Variants in SLC9C1 observed in about 807,000 individuals in gnomAD.
The protein encoded by SLC9C1 is sodium/hydrogen exchanger 10.
In SLC9C1, 97 loss-of-function variants were observed where a neutral mutation model predicts 140.9. The observed-to-expected ratio is 0.69, with a 90% CI of 0.58 to 0.82. The LOEUF (loss-of-function observed/expected upper bound fraction) is 0.82, where lower values mean the gene tolerates loss of function less well. Ranked by LOEUF, SLC9C1 falls within the 40% of genes least tolerant of loss-of-function variation. The pLI, the probability that SLC9C1 is intolerant of heterozygous loss-of-function variation, is 0.00. For missense variants in SLC9C1, 1,340 were observed against 1,389.3 expected, an observed-to-expected ratio of 0.96 and a Z score of 0.56; for synonymous variants, 440 against 442.6, an observed-to-expected ratio of 0.99 and a Z score of 0.07.
At chr3:112,161,374 G>C (rs2075293297) in intron 26 of SLC9C1, among the ~76,000 whole-genome samples, 1 of 152,106 alleles carries the variant, frequency 6.6e-6, no homozygotes, top group South Asian at 2.1e-4. Context: ...GTAATGCCTA[G>C]GTTTTCTTCT....
intron 13 of SLC9C1, among the ~76,000 whole-genome samples, chr3:112,228,201 GCA>G (rs1384608025): frequency 6.6e-6 from 1 of 151,892 alleles, no homozygotes; most frequent in Non-Finnish European, 1.5e-5. Flanking sequence ...ATAAAAACAG[GCA>G]CACAGACCAA....
intron 5 of SLC9C1, among the ~76,000 whole-genome samples, chr3:112,277,003 T>A (rs2080232422): frequency 6.6e-6 from 1 of 152,046 alleles, no homozygotes; most frequent in African/African-American, 2.4e-5. Flanking sequence ...AGAGTATGCG[T>A]GTGTGTGTGC....
chr3:112,190,431 G>A (rs1253446275), intron 20 of SLC9C1, among the ~76,000 whole-genome samples: 2 of 152,162 alleles, frequency 1.3e-5, no homozygotes, highest in Non-Finnish European at 1.5e-5. Flanking sequence ...TTTATTGAGA[G>A]TTTTTAGCAT....
At chr3:112,254,827 T>C (rs2079559077) in intron 10 of SLC9C1, among the ~76,000 whole-genome samples, 1 of 152,140 alleles carries the variant, frequency 6.6e-6, no homozygotes, top group African/African-American at 2.4e-5. Flanking sequence ...GAGCCAATGG[T>C]GTGCTGTCTT....
rs1209615855 is a variant in SLC9C1, at chr3:112,167,325, G to T, written c.3260C>A (p.Thr1087Lys). The T allele has an allele frequency of 1.9e-6, 3 of 1,601,396 alleles. No homozygotes were observed. The highest frequency in any genetic ancestry group is 1.7e-5 in the Admixed American group (1 of 57,668). ...CHQIQSIEDF[T>K]KVVIIQTPIN... ...CGGAGTTTGAATAATCACTACTTTT[G>T]TGAAATCTTCAATACTTTGTATCTG... is the stretch of plus-strand genomic sequence containing the variant. Residue 1087 changes from threonine (T) to lysine (K), a missense_variant, in exon 26 of 29, where the codon ACA becomes AAA. Transcript: ENST00000305815.
At position 112,262,373 on chromosome 3, in the gene SLC9C1, TA is replaced by T. The variant is rs1325287413; in HGVS notation, c.1197+550del. Among the ~76,000 whole-genome samples the T allele has an allele frequency of 1.2e-3, 176 of 146,398 alleles. 1 individual carries two copies. The highest frequency in any genetic ancestry group is 3.1e-3 in the African/African-American group (123 of 40,252). Reference sequence around the variant, plus strand: ...CTCTTTTTACATTTGGAATTTTTGTTAAAAAAAAAAACCCAGATGATAAAAG... The same window carrying T: ...CTCTTTTTACATTTGGAATTTTTGTTAAAAAAAAAACCCAGATGATAAAAG... On this transcript the variant is annotated intron_variant, in intron 10 of 28. Coordinates refer to ENST00000305815, the MANE Select transcript of SLC9C1 (RefSeq NM_183061.3).
At position 112,240,038 on chromosome 3, in the gene SLC9C1, A is replaced by G. The variant is rs772109459; in HGVS notation, c.1280-32T>C. 5.8e-6 allele frequency: 9 copies of G among 1,562,862 alleles called. No homozygotes were observed. In the Admixed American group the frequency reaches 1.7e-4, roughly 30 times the overall value. On this transcript the variant is annotated intron_variant, in intron 11 of 28. Transcript: ENST00000305815. Reference sequence around the variant, plus strand: ...TACAAACACACATTTGATAAATAGTAGAAACACCACAATTTTGATATGGGT... The same window carrying G: ...TACAAACACACATTTGATAAATAGTGGAAACACCACAATTTTGATATGGGT...
intron 10 of SLC9C1, among the ~76,000 whole-genome samples, chr3:112,250,721 A>G (rs1042172807): frequency 6.6e-6 from 1 of 152,190 alleles, no homozygotes; most frequent in African/African-American, 2.4e-5. Flanking sequence ...CAGACTGGTT[A>G]TTACTAAAAA....
chr3:112,262,976 A>C lies in SLC9C1; in HGVS notation c.1145T>G (p.Leu382Arg). 6.2e-7 allele frequency: 1 copy of C among 1,601,090 alleles called. No homozygotes were observed. The highest frequency in any genetic ancestry group is 8.5e-7 in the Non-Finnish European group (1 of 1,175,368). ...ATAAAGATCAGAGTAGGCAAGCAGA[A>C]GGGCCATGTTTATATTAGGCATCCC... ...MKGMPNINMA[L>R]LLAYSDLYFG... Residue 382 changes from leucine to arginine, a missense_variant, in exon 10 of 29, where the codon CTT becomes CGT. By Grantham distance (102) the Leu-to-Arg change is moderately radical. Coordinates refer to ENST00000305815, the MANE Select transcript of SLC9C1 (RefSeq NM_183061.3).
chr3:112,156,825 C>T (rs1275227520), intron 26 of SLC9C1, among the ~76,000 whole-genome samples: 2 of 151,988 alleles, frequency 1.3e-5, no homozygotes, highest in Non-Finnish European at 2.9e-5. Flanking sequence ...TGCATGTCTT[C>T]TTTTGATAAA....
chr3:112,275,603 A>C (rs994258296), intron 5 of SLC9C1, among the ~76,000 whole-genome samples: 1 of 152,144 alleles, frequency 6.6e-6, no homozygotes, highest in African/African-American at 2.4e-5. Context: ...CTGCCATTAA[A>C]TGTGCATGTA....
chr3:112,144,654 A>G (rs914353541), intron 28 of SLC9C1, among the ~76,000 whole-genome samples: 1 of 152,208 alleles, frequency 6.6e-6, no homozygotes, highest in Non-Finnish European at 1.5e-5. Context: ...CCTTATAGAA[A>G]TCTTTTACCT....
At chr3:112,237,120 A>G (rs183587502) in intron 12 of SLC9C1, among the ~76,000 whole-genome samples, 2 of 152,248 alleles carry the variant, frequency 1.3e-5, no homozygotes, top group Non-Finnish European at 2.9e-5. Context: ...GTAGGTCTCT[A>G]AGGAGTTGCT....
Position 112,243,978 on chromosome 3 carries a change from T to C in SLC9C1, c.1279+17A>G, listed in dbSNP as rs1357817528. The C allele has an allele frequency of 5.9e-6, 9 of 1,517,820 alleles. No individual in the cohort carries two copies. The highest frequency in any genetic ancestry group is 8.1e-6 in the Non-Finnish European group (9 of 1,114,266). The allele number at this position is 1,517,820 out of a possible 1,614,324, so 94.0% of individuals were successfully genotyped here. A position where few individuals can be genotyped will look rare whatever the true frequency, so the allele number is the denominator to read the frequency against. On this transcript the variant is annotated intron_variant, in intron 11 of 28. Coordinates refer to ENST00000305815, the MANE Select transcript of SLC9C1 (RefSeq NM_183061.3). Reference sequence around the variant, plus strand: ...AATGTTTTTCTCTCCACAGGAATAGTAACTGTTAGGGCTTACCTAGTATAG... The same window carrying C: ...AATGTTTTTCTCTCCACAGGAATAGCAACTGTTAGGGCTTACCTAGTATAG...
intron 2 of SLC9C1, among the ~76,000 whole-genome samples, chr3:112,284,937 T>C (rs1377907845): frequency 6.6e-6 from 1 of 151,142 alleles, no homozygotes; most frequent in East Asian, 1.9e-4. Context: ...TTATTAAGTA[T>C]ACTAAATAAA....
Position 112,270,083 on chromosome 3 carries a change from A to G in SLC9C1, c.614-6T>C. On this transcript the variant is annotated splice_polypyrimidine_tract_variant and splice_region_variant and intron_variant, in intron 6 of 28. Transcript: ENST00000305815. ...TCCACCCACGATCTCTTCAGCTACA[A>G]GAAAGGGGCGTAAATAAGAAATAGT... The G allele has an allele frequency of 6.5e-7, 1 of 1,530,414 alleles. No homozygotes were observed. Among genetic ancestry groups the G allele is most frequent in the Non-Finnish European group, 8.8e-7 (1 of 1,141,464 alleles). The allele number at this position is 1,530,414 out of a possible 1,614,324, so 94.8% of individuals were successfully genotyped here.
intron 26 of SLC9C1, among the ~76,000 whole-genome samples, chr3:112,166,055 A>G (rs2107907863): frequency 6.6e-6 from 1 of 152,070 alleles, no homozygotes; most frequent in East Asian, 1.9e-4. Context: ...CCGTGGTCGT[A>G]GGACCCTCCA....
chr3:112,259,099 T>G (rs1291911367), intron 10 of SLC9C1, among the ~76,000 whole-genome samples: 2 of 152,008 alleles, frequency 1.3e-5, no homozygotes, highest in Non-Finnish European at 2.9e-5. Context: ...CCAAACCACA[T>G]TAGAATATTA....
chr3:112,181,051 C>T (rs146042230), intron 21 of SLC9C1, among the ~76,000 whole-genome samples: 279 of 152,162 alleles, frequency 1.8e-3, no homozygotes, highest in Non-Finnish European at 1.6e-3. Flanking sequence ...CCACCATACC[C>T]GGCCTAAAAT....
Sources: allele counts gnomAD v4.1 joint callset (sites outside exome capture counted in the v4.1 genomes callset), GRCh38; gene constraint gnomAD v4.1.1; transcripts MANE v1.5; gene names NCBI Gene and HGNC (gene_info 2026-07-23, HGNC 2026-07-21).